The following ARSB variants were observed in gnomAD, a reference collection of about 807,000 sequenced individuals.
ARSB encodes the protein N-acetylgalactosamine-4-sulfatase.
A neutral mutation model predicts 50.9 loss-of-function variants in ARSB; 41 were observed. The observed-to-expected ratio is 0.81, with a 90% CI of 0.63 to 1.04. The LOEUF is 1.04. Among genes scored for constraint, ARSB ranks in the 50% least tolerant of loss-of-function variants. The pLI is 0.00. For synonymous variants in ARSB, 269 were observed against 284.8 expected (o/e 0.94, Z 0.56); for missense variants, 672 against 693.3 (o/e 0.97, Z 0.35).
At chr5:78,903,012 T>C (rs139454138) in intron 4 of ARSB, among the ~76,000 whole-genome samples, 1 of 152,318 alleles carries the variant, frequency 6.6e-6, no homozygotes, top group Non-Finnish European at 1.5e-5. Context: ...AAAACTTTTA[T>C]AGAAAAACAG....
intron 6 of ARSB, among the ~76,000 whole-genome samples, chr5:78,833,359 T>C (rs1320021630): frequency 1.2e-5 from 1 of 82,276 alleles, no homozygotes. Context: ...TTTAAAGACA[T>C]GGAGGAATAA....
At chr5:78,862,336 G>A (rs1746484064) in intron 5 of ARSB, among the ~76,000 whole-genome samples, 1 of 152,136 alleles carries the variant, frequency 6.6e-6, no homozygotes. Flanking sequence ...AACAAAGCTG[G>A]AGGCATCACG....
intron 4 of ARSB, among the ~76,000 whole-genome samples, chr5:78,908,610 CA>C (rs1254892304): frequency 3.9e-5 from 6 of 152,148 alleles, no homozygotes; most frequent in Non-Finnish European, 7.3e-5. Context: ...AGAGCATTCT[CA>C]GTTAATGGCT....
intron 6 of ARSB, among the ~76,000 whole-genome samples, chr5:78,803,677 A>G (rs1361321175): frequency 1.3e-5 from 2 of 152,232 alleles, no homozygotes; most frequent in Non-Finnish European, 2.9e-5. Flanking sequence ...TTCCCTGCTC[A>G]GGCTGCTTTC....
intron 6 of ARSB, among the ~76,000 whole-genome samples, chr5:78,784,615 A>C (rs1749028771): frequency 6.6e-6 from 1 of 152,142 alleles, no homozygotes; most frequent in South Asian, 2.1e-4. Flanking sequence ...TCCCTTTGTC[A>C]GTTTTGATAA....
chr5:78,917,408 G>T (rs1749603282), intron 4 of ARSB, among the ~76,000 whole-genome samples: 1 of 152,006 alleles, frequency 6.6e-6, no homozygotes, highest in African/African-American at 2.4e-5. Context: ...TATCTGATAG[G>T]ATACATGCCC....
At chr5:78,862,587 T>C (rs994125079) in intron 5 of ARSB, among the ~76,000 whole-genome samples, 2 of 152,166 alleles carry the variant, frequency 1.3e-5, no homozygotes, top group Non-Finnish European at 2.9e-5. Flanking sequence ...TTACACCTTA[T>C]ACAAAAATTA....
chr5:78,823,893 T>G (rs898212075), intron 6 of ARSB, among the ~76,000 whole-genome samples: 2 of 152,238 alleles, frequency 1.3e-5, no homozygotes, highest in Non-Finnish European at 2.9e-5. Flanking sequence ...TAAATACTTA[T>G]GATATAATTT....
At chr5:78,959,137 A>C (rs1751872723) in intron 3 of ARSB, among the ~76,000 whole-genome samples, 2 of 152,160 alleles carry the variant, frequency 1.3e-5, no homozygotes, top group Non-Finnish European at 2.9e-5. Flanking sequence ...TTCTCTTGAC[A>C]GTGAATAAGT....
At chr5:78,780,778 G>A in intron 7 of ARSB, 116 bp from the exon 8 acceptor site, 3 of 1,264,764 alleles carry the variant, frequency 2.4e-6, no homozygotes, top group Non-Finnish European at 3.4e-6. Flanking sequence ...AACATAAAAA[G>A]ATGCGGCCCT....
intron 2 of ARSB, 145 bp from the exon 3 acceptor site, chr5:78,964,751 A>G: frequency 2.5e-6 from 2 of 793,810 alleles, no homozygotes; most frequent in East Asian, 5.3e-5. Context: ...ATTTCTCAAC[A>G]TGTCTATATC....
intron 4 of ARSB, among the ~76,000 whole-genome samples, chr5:78,926,303 C>T (rs1750047451): frequency 6.6e-6 from 1 of 152,146 alleles, no homozygotes; most frequent in African/African-American, 2.4e-5. Flanking sequence ...GGCTTTCTTT[C>T]CCCATTCTGC....
intron 1 of ARSB, among the ~76,000 whole-genome samples, chr5:78,979,458 C>G (rs1418339730): frequency 1.3e-5 from 2 of 152,206 alleles, no homozygotes; most frequent in Admixed American, 6.5e-5. Context: ...CATAGAGTTA[C>G]CACATGATAC....
At chr5:78,934,387 G>A (rs937227254) in intron 4 of ARSB, among the ~76,000 whole-genome samples, 1 of 152,076 alleles carries the variant, frequency 6.6e-6, no homozygotes. Flanking sequence ...TCAAAGTATA[G>A]CTGTTTAGTA....
intron 6 of ARSB, among the ~76,000 whole-genome samples, chr5:78,819,397 C>T (rs1323572639): frequency 6.6e-6 from 1 of 152,174 alleles, no homozygotes; most frequent in Non-Finnish European, 1.5e-5. Flanking sequence ...GACAAAAAGA[C>T]TGTGGGTGGG....
intron 1 of ARSB, among the ~76,000 whole-genome samples, chr5:78,973,622 A>G (rs1752546949): frequency 6.6e-6 from 1 of 152,176 alleles, no homozygotes; most frequent in African/African-American, 2.4e-5. Context: ...GGCAGCTCCC[A>G]TATCAGAATC....
intron 7 of ARSB, among the ~76,000 whole-genome samples, chr5:78,781,021 G>A (rs1238339417): frequency 2.0e-5 from 3 of 152,158 alleles, no homozygotes; most frequent in Admixed American, 2.0e-4. Flanking sequence ...TATTGCAAAC[G>A]CCAAAAATGT....
At chr5:78,881,338 A>C (rs778497015) in intron 5 of ARSB, among the ~76,000 whole-genome samples, 5 of 152,202 alleles carry the variant, frequency 3.3e-5, no homozygotes, top group African/African-American at 4.8e-5. Context: ...ATATTTCTGA[A>C]CAAAAAAGCA....
intron 4 of ARSB, among the ~76,000 whole-genome samples, chr5:78,919,804 A>G (rs185374230): frequency 3.3e-5 from 5 of 152,332 alleles, no homozygotes; most frequent in Admixed American, 2.0e-4. Flanking sequence ...CCCTGCTGAG[A>G]GAATAATTTT....
Sources: allele counts gnomAD v4.1 joint callset (sites outside exome capture counted in the v4.1 genomes callset), GRCh38; gene constraint gnomAD v4.1.1; transcripts MANE v1.5; gene names NCBI Gene and HGNC (gene_info 2026-07-23, HGNC 2026-07-21).